The following ADAMTS2 variants were observed in gnomAD, a reference collection of about 807,000 sequenced individuals.
ADAMTS2 encodes ADAM metallopeptidase with thrombospondin type 1 motif 2, also known as A disintegrin and metalloproteinase with thrombospondin motifs 2.
Under a neutral mutation model 123.0 loss-of-function variants are expected in ADAMTS2, and 50 were observed. That is an observed-to-expected ratio of 0.41 (90% confidence interval 0.32 to 0.51). ADAMTS2 has a LOEUF of 0.51. Among genes scored for constraint, ADAMTS2 ranks in the 20% least tolerant of loss-of-function variants. The probability of loss-of-function intolerance (pLI) is 0.35; values close to 1 mark genes in which losing one functional copy is unlikely to be tolerated. For synonymous variants in ADAMTS2, 678 were observed against 695.4 expected (o/e 0.98, Z 0.39); for missense variants, 1,494 against 1,705.2 (o/e 0.88, Z 2.18).
intron 3 of ADAMTS2, among the ~76,000 whole-genome samples, chr5:179,230,994 G>A (rs937901360): frequency 6.6e-6 from 1 of 151,568 alleles, no homozygotes; most frequent in Non-Finnish European, 1.5e-5. Flanking sequence ...CTGGGCAACA[G>A]AGCGAAACTC....
intron 2 of ADAMTS2, among the ~76,000 whole-genome samples, chr5:179,315,768 T>C (rs78644397): frequency 0.044 from 6,762 of 152,184 alleles, 511 homozygotes; most frequent in African/African-American, 0.15. Context: ...GAGGGCTTGG[T>C]GGCTGCACCG....
chr5:179,240,286 G>A lies in ADAMTS2; in HGVS notation c.689-32571C>T, dbSNP rs192220593. Among the ~76,000 whole-genome samples the A allele has an allele frequency of 1.7e-3, 266 of 152,328 alleles. 1 individual carries two copies. The highest frequency in any genetic ancestry group is 5.9e-3 in the African/African-American group (247 of 41,570). On this transcript the variant is annotated intron_variant, in intron 3 of 21. Transcript: ENST00000251582. ...GGCTGAGCTTTGTTCAGGGGTACCCGTGCCAGCATGAAGTAGGTAGAAAGT... is the reference window on the plus strand; with the variant it reads ...GGCTGAGCTTTGTTCAGGGGTACCCATGCCAGCATGAAGTAGGTAGAAAGT...
intron 2 of ADAMTS2, among the ~76,000 whole-genome samples, chr5:179,342,002 A>G (rs138907294): frequency 6.6e-6 from 1 of 152,268 alleles, no homozygotes; most frequent in Non-Finnish European, 1.5e-5. Flanking sequence ...ACAGCCCCCC[A>G]GGAGCACACT....
intron 1 of ADAMTS2, among the ~76,000 whole-genome samples, 196 bp downstream of exon 1, chr5:179,344,994 C>T (rs778456328): frequency 7.2e-5 from 11 of 152,084 alleles, no homozygotes; most frequent in Non-Finnish European, 1.5e-4. Context: ...TCCCCCGGCC[C>T]AAGGCGCTCG....
In ADAMTS2 at chr5:179,225,603, G is replaced by C. The variant is rs1244990530; in HGVS notation, c.689-17888C>G. 6.6e-6 allele frequency among the ~76,000 whole-genome samples: 1 copy of C among 152,194 alleles called. No homozygotes were observed. Among genetic ancestry groups the C allele is most frequent in the African/African-American group, 2.4e-5 (1 of 41,438 alleles). ...GAACACACAGGCGGCTGGACGTCGA[G>C]AGGAACGCACCAACGAGCACCAGCA... On this transcript the variant is annotated intron_variant, in intron 3 of 21. Transcript: ENST00000251582. This position sits in a 1 kb window ranked among gnomAD's most constrained non-coding sequence, Gnocchi z 4.5.
In ADAMTS2 at chr5:179,202,633, G is replaced by A. The variant is rs997424851; in HGVS notation, c.891+4880C>T. On this transcript the variant is annotated intron_variant, in intron 4 of 21. Coordinates refer to ENST00000251582, the MANE Select transcript of ADAMTS2 (RefSeq NM_014244.5). The surrounding 1 kb of genome is among the most constrained non-coding windows in gnomAD (Gnocchi z 4.0). ...CATAAACACCGGCCCCCGTATGAAC[G>A]GCAGCCAGGGGCACCAGACAGAGGA... Among the ~76,000 whole-genome samples, 6 of 152,036 alleles carry A rather than the reference G, an allele frequency of 3.9e-5. No homozygotes were observed. Among genetic ancestry groups the A allele is most frequent in the African/African-American group, 9.7e-5 (4 of 41,398 alleles).
rs1444687133 is a variant in ADAMTS2 at position 179,181,461 on chromosome 5, T to C, written c.892-306A>G. Among the ~76,000 whole-genome samples the C allele has an allele frequency of 3.3e-5, 5 of 152,164 alleles. No individual in the cohort carries two copies. Among genetic ancestry groups the C allele is most frequent in the African/African-American group, 9.7e-5 (4 of 41,436 alleles). On this transcript the variant is annotated intron_variant, in intron 4 of 21. Coordinates refer to ENST00000251582, the MANE Select transcript of ADAMTS2 (RefSeq NM_014244.5). The surrounding 1 kb of genome is among the most constrained non-coding windows in gnomAD (Gnocchi z 4.1). ...GCAGGGAAAGCAGCCCTACGCTTGC[T>C]GTAGCCTCCAGCTGAAACACAACCT... is the stretch of plus-strand genomic sequence containing the variant.
rs1257109395 is a variant in ADAMTS2, at chr5:179,234,312, T to C, written c.689-26597A>G. 6.6e-6 allele frequency among the ~76,000 whole-genome samples: 1 copy of C among 152,130 alleles called. No homozygotes were observed. Among genetic ancestry groups the C allele is most frequent in the African/African-American group, 2.4e-5 (1 of 41,430 alleles). On this transcript the variant is annotated intron_variant, in intron 3 of 21. Coordinates refer to ENST00000251582, the MANE Select transcript of ADAMTS2 (RefSeq NM_014244.5). The surrounding 1 kb of genome is among the most constrained non-coding windows in gnomAD (Gnocchi z 4.7). ...CTCAGGTGACTTCTCCAGCTCTGCA[T>C]GGAGAAGGCCTCACCATGCATCTCA...
In ADAMTS2 at chr5:179,154,164, T is replaced by A. The variant is rs764070459; in HGVS notation, c.1267A>T (p.Asn423Tyr). ...VLGMEHDGQGNRCGDEVRLGS... is the reference protein window; with the variant it reads ...VLGMEHDGQGYRCGDEVRLGS... ...AGCCGCACCTCGTCGCCACAGCGGTTGCCCTGCCCGTCGTGCTCCATGCCC... is the reference window on the plus strand; with the variant it reads ...AGCCGCACCTCGTCGCCACAGCGGTAGCCCTGCCCGTCGTGCTCCATGCCC... Residue 423 changes from asparagine to tyrosine, a missense_variant, in exon 8 of 22, where the codon AAC (asparagine) becomes TAC (tyrosine). Transcript: ENST00000251582. 1 of 1,569,342 alleles carries A rather than the reference T, an allele frequency of 6.4e-7. No individual in the cohort carries two copies. The highest frequency in any genetic ancestry group is 8.6e-7 in the Non-Finnish European group (1 of 1,164,370).
intron 3 of ADAMTS2, among the ~76,000 whole-genome samples, chr5:179,246,559 A>T (rs151080661): frequency 6.6e-6 from 1 of 152,294 alleles, no homozygotes; most frequent in East Asian, 1.9e-4. Context: ...TCTACCACTG[A>T]CATGTCTAGG....
chr5:179,111,297 C>G lies in ADAMTS2; in HGVS notation c.*2570G>C, dbSNP rs1365121222. On this transcript the variant is annotated 3_prime_UTR_variant, in exon 22 of 22. Transcript: ENST00000251582. ...GGTTAGAAACTCAGCTAGAAGACAT[C>G]TGTCTGCCTCCTCTGGGCGCCAGGA... 6.6e-6 allele frequency: 1 copy of G among 152,238 alleles called. No individual in the cohort carries two copies. Among genetic ancestry groups the G allele is most frequent in the Non-Finnish European group, 1.5e-5 (1 of 68,054 alleles). 9.4% of individuals were successfully genotyped at this position (152,238 alleles called of 1,614,324 possible).
rs556658795 is a variant in ADAMTS2 at position 179,303,268 on chromosome 5, G to A, written c.535-30204C>T. On this transcript the variant is annotated intron_variant, in intron 2 of 21. Coordinates refer to ENST00000251582, the MANE Select transcript of ADAMTS2 (RefSeq NM_014244.5). This position sits in a 1 kb window ranked among gnomAD's most constrained non-coding sequence, Gnocchi z 4.7. ...AGAAGTCCCTCCCTGATTATAAACC[G>A]CTCAACACATAGAGAGGTCCCTAGG... 4.4e-4 allele frequency among the ~76,000 whole-genome samples: 67 copies of A among 152,198 alleles called. No individual in the cohort carries two copies. The highest frequency in any genetic ancestry group is 1.3e-3 in the African/African-American group (54 of 41,508).
At chr5:179,123,318 C>A (rs1762794708) in intron 19 of ADAMTS2, among the ~76,000 whole-genome samples, 1 of 152,256 alleles carries the variant, frequency 6.6e-6, no homozygotes, top group South Asian at 2.1e-4. Context: ...GGAAAATTCT[C>A]CAGGCCTCAC....
At chr5:179,293,791 T>C (rs960618388) in intron 2 of ADAMTS2, among the ~76,000 whole-genome samples, 4 of 151,966 alleles carry the variant, frequency 2.6e-5, no homozygotes, top group Non-Finnish European at 5.9e-5. Context: ...ATTTTTTTTT[T>C]TTTTGTATTT....
At chr5:179,227,122 C>CGT (rs1765309119) in intron 3 of ADAMTS2, among the ~76,000 whole-genome samples, 2 of 151,792 alleles carry the variant, frequency 1.3e-5, no homozygotes, top group Non-Finnish European at 2.9e-5. Context: ...TGTGTGTACA[C>CGT]ATGTGTATAT....
At chr5:179,294,381 G>A (rs578015492) in intron 2 of ADAMTS2, among the ~76,000 whole-genome samples, 2 of 152,346 alleles carry the variant, frequency 1.3e-5, no homozygotes, top group South Asian at 2.1e-4. Context: ...CCTTCCTTTG[G>A]TGACTCAATC....
At position 179,185,361 on chromosome 5, in the gene ADAMTS2, C is replaced by T. The variant is rs1764145102; in HGVS notation, c.892-4206G>A. ...TGTGGATTGGAATAGGGGTCATCTG[C>T]CCCGCCTGAGCAGGGAGAGGCTGGG... On this transcript the variant is annotated intron_variant, in intron 4 of 21. Transcript: ENST00000251582. This position sits in a 1 kb window ranked among gnomAD's most constrained non-coding sequence, Gnocchi z 5.9. Among the ~76,000 whole-genome samples, 1 of 152,092 alleles carries T rather than the reference C, an allele frequency of 6.6e-6. No homozygotes were observed. Among genetic ancestry groups the T allele is most frequent in the African/African-American group, 2.4e-5 (1 of 41,432 alleles).
In ADAMTS2 at chr5:179,239,734, G is replaced by A. The variant is rs182624583; in HGVS notation, c.689-32019C>T. 8.1e-3 allele frequency among the ~76,000 whole-genome samples: 1,238 copies of A among 152,198 alleles called. 26 individuals carry two copies. Among genetic ancestry groups the A allele is most frequent in the Non-Finnish European group, 5.9e-3 (400 of 68,002 alleles). ...GGGGTGCAGAGGGAGACCAAGGAGC[G>A]TCCAGGACAGAGCCCTGGGCGCATC... On this transcript the variant is annotated intron_variant, in intron 3 of 21. Transcript: ENST00000251582.
intron 3 of ADAMTS2, among the ~76,000 whole-genome samples, chr5:179,215,220 G>A (rs964642122): frequency 3.3e-5 from 5 of 152,182 alleles, no homozygotes; most frequent in African/African-American, 7.2e-5. Flanking sequence ...AGGCCGAGGC[G>A]GGTGGATCAC....
Sources: gnomAD v4.1 joint callset for allele counts (sites outside exome capture counted in the v4.1 genomes callset) on GRCh38, gnomAD v4.1.1 for gene constraint, Gnocchi (gnomAD v3.1) non-coding constraint, MANE v1.5 for transcripts, NCBI Gene and HGNC (gene_info 2026-07-23, HGNC 2026-07-21) for gene names.